The following PTPDC1 variants were observed in gnomAD, a reference collection of about 807,000 sequenced individuals.
PTPDC1 encodes the protein protein tyrosine phosphatase domain containing 1.
PTPDC1 carries 53 observed loss-of-function variants against 75.3 expected under a neutral mutation model. The observed-to-expected ratio is 0.70, with a 90% CI of 0.56 to 0.88. The LOEUF (loss-of-function observed/expected upper bound fraction) is 0.88. Ranked by LOEUF, PTPDC1 falls within the 40% of genes least tolerant of loss-of-function variation. PTPDC1 has a pLI of 0.00. For missense variants in PTPDC1, 925 were observed against 998.6 expected (o/e 0.93, Z 0.99); for synonymous variants, 349 against 366.2 (o/e 0.95, Z 0.54).
intron 1 of PTPDC1, among the ~76,000 whole-genome samples, chr9:94,035,937 T>C (rs559412254): frequency 1.6e-4 from 24 of 152,258 alleles, no homozygotes; most frequent in African/African-American, 5.3e-4. Flanking sequence ...TGTTGAGCAC[T>C]TTTTCATGTA....
At chr9:94,047,850 C>T (rs1440046595) in intron 1 of PTPDC1, among the ~76,000 whole-genome samples, 4 of 152,160 alleles carry the variant, frequency 2.6e-5, no homozygotes, top group Non-Finnish European at 1.5e-5. Context: ...CACATACATC[C>T]TCCCAAGACT....
Position 94,034,543 on chromosome 9 carries a change from A to G in PTPDC1, c.-7+3416A>G, listed in dbSNP as rs1825203791. On this transcript the variant is annotated intron_variant, in intron 1 of 9. Transcript: ENST00000375360. ...TGAGACTCTGTCTCAGAAAAAACCAAACAAACAGAAAAGAAAACAGAGATT... is the reference window on the plus strand; with the variant it reads ...TGAGACTCTGTCTCAGAAAAAACCAGACAAACAGAAAAGAAAACAGAGATT... 2.6e-5 allele frequency among the ~76,000 whole-genome samples: 4 copies of G among 152,194 alleles called. No individual in the cohort carries two copies. The South Asian group carries it at 8.3e-4, about 32-fold the overall frequency.
chr9:94,077,069 T>G (rs534310884), intron 2 of PTPDC1, among the ~76,000 whole-genome samples: 2 of 152,314 alleles, frequency 1.3e-5, no homozygotes, highest in East Asian at 3.9e-4. Context: ...TTTAAAGTAG[T>G]CATTGGTTTT....
Position 94,097,465 on chromosome 9 carries a change from C to G in PTPDC1, c.899C>G (p.Pro300Arg). Residue 300 changes from proline (P) to arginine (R), a missense_variant, in exon 6 of 9, where the codon CCT (proline) becomes CGT (arginine). By Grantham distance (103) the Pro-to-Arg change is moderately radical (BLOSUM62 -2). Coordinates refer to ENST00000620992, the MANE Select transcript of PTPDC1 (RefSeq NM_001253829.2). ...AGGGAATTTACTCAGTTTCTAACTC[C>G]TCTCCGCAATATATTCTCTTGCTGT... is the stretch of plus-strand genomic sequence containing the variant. ...CVREFTQFLT[P>R]LRNIFSCCDP... 6.2e-7 allele frequency: 1 copy of G among 1,614,210 alleles called. No individual in the cohort carries two copies. The highest frequency in any genetic ancestry group is 8.5e-7 in the Non-Finnish European group (1 of 1,180,038).
At chr9:94,069,559 T>C (rs1043897920) in intron 2 of PTPDC1, among the ~76,000 whole-genome samples, 2 of 150,848 alleles carry the variant, frequency 1.3e-5, no homozygotes, top group Non-Finnish European at 3.0e-5. Flanking sequence ...CTCGCTCTGT[T>C]TCCCAGGCTG....
At chr9:94,088,945 C>T (rs1236689008) in intron 4 of PTPDC1, among the ~76,000 whole-genome samples, 1 of 152,038 alleles carries the variant, frequency 6.6e-6, no homozygotes, top group Admixed American at 6.6e-5. Context: ...GCTTTCTCTC[C>T]AAAGCTGAGT....
Position 94,085,343 on chromosome 9 carries a change from G to A in PTPDC1, c.337G>A (p.Gly113Ser), listed in dbSNP as rs1351401211. ...ACACATGGCATGTTCCATGGCGTGT[G>A]GCGGTAGAGCTTGCAAGTATGAGAA... ...PGHMACSMAC[G>S]GRACKYENPA... Residue 113 changes from glycine (G) to serine (S), a missense_variant, in exon 2 of 9, where the codon GGC becomes AGC. Gly to Ser is a moderately conservative substitution (Grantham distance 56, BLOSUM62 0). Transcript: ENST00000620992. The A allele has an allele frequency of 6.2e-7, 1 of 1,614,222 alleles. No individual in the cohort carries two copies.
chr9:94,035,692 C>T (rs907077079), intron 1 of PTPDC1, among the ~76,000 whole-genome samples: 2 of 152,154 alleles, frequency 1.3e-5, no homozygotes, highest in Non-Finnish European at 2.9e-5. Flanking sequence ...GGTAAATACC[C>T]AGAAGTGGGA....
chr9:94,050,551 G>A (rs570709430), intron 1 of PTPDC1, among the ~76,000 whole-genome samples: 1 of 152,332 alleles, frequency 6.6e-6, no homozygotes, highest in East Asian at 1.9e-4. Context: ...AGCAAATGTT[G>A]CTGCCTGATT....
At position 94,046,828 on chromosome 9, in the gene PTPDC1, A is replaced by C. The variant is rs867938658; in HGVS notation, c.-7+15701A>C. Among the ~76,000 whole-genome samples the C allele has an allele frequency of 1.3e-4, 20 of 152,218 alleles. 1 individual carries two copies. Among genetic ancestry groups the C allele is most frequent in the South Asian group, 1.2e-3 (6 of 4,818 alleles). On this transcript the variant is annotated intron_variant, in intron 1 of 9. Coordinates refer to the PTPDC1 transcript ENST00000375360. ...TGACTTCCTCTTTTCCTAATTGAAT[A>C]CCCTTTATTTCCTTCTCCTGCCTGA...
chr9:94,033,449 A>G lies in PTPDC1; in HGVS notation c.-7+2322A>G, dbSNP rs114579091. Among the ~76,000 whole-genome samples the G allele has an allele frequency of 2.9e-3, 449 of 152,314 alleles. 3 individuals carry two copies. Among genetic ancestry groups the G allele is most frequent in the African/African-American group, 0.01 (434 of 41,558 alleles). On this transcript the variant is annotated intron_variant, in intron 1 of 9. Transcript: ENST00000375360. Reference sequence around the variant, plus strand: ...TGTGGAGGCAACATGGGGTACAGGAAATAAAGTGTGTTTAAGGAAGAACCG... The same window carrying G: ...TGTGGAGGCAACATGGGGTACAGGAGATAAAGTGTGTTTAAGGAAGAACCG...
At position 94,034,075 on chromosome 9, in the gene PTPDC1, A is replaced by T. The variant is rs560827157; in HGVS notation, c.-7+2948A>T. 4.6e-5 allele frequency among the ~76,000 whole-genome samples: 7 copies of T among 152,376 alleles called. No individual in the cohort carries two copies. The East Asian group carries it at 1.3e-3, about 29-fold the overall frequency. On this transcript the variant is annotated intron_variant, in intron 1 of 9. Transcript: ENST00000375360. ...TAGTAAGCAAATAAAGTAATTACAG[A>T]TTTTGATAAATGCTTAAACAGTAAA... is the stretch of plus-strand genomic sequence containing the variant.
At chr9:94,092,473 T>C (rs1209456127) in intron 4 of PTPDC1, among the ~76,000 whole-genome samples, 3 of 145,218 alleles carry the variant, frequency 2.1e-5, no homozygotes, top group Non-Finnish European at 3.0e-5. Context: ...TTCTGTTCTT[T>C]TACATTTGCT....
chr9:94,107,793 T>G (rs1828073660), intron 8 of PTPDC1, 35 bp from the exon 9 acceptor site: 1 of 1,259,140 alleles, frequency 7.9e-7, no homozygotes, highest in South Asian at 1.4e-5. Flanking sequence ...AAATTCTTGT[T>G]ACAGTGTCCT....
intron 1 of PTPDC1, among the ~76,000 whole-genome samples, chr9:94,037,866 T>C (rs1825318615): frequency 6.6e-6 from 1 of 152,202 alleles, no homozygotes; most frequent in African/African-American, 2.4e-5. Flanking sequence ...GCAGAGCTTT[T>C]CAGCTAACTC....
intron 1 of PTPDC1, among the ~76,000 whole-genome samples, chr9:94,050,631 G>T (rs535810556): frequency 6.6e-6 from 1 of 152,214 alleles, no homozygotes; most frequent in Non-Finnish European, 1.5e-5. Flanking sequence ...CTACTGGGGG[G>T]TGCCTCCCAG....
At chr9:94,073,466 G>A (rs1249506929) in intron 2 of PTPDC1, among the ~76,000 whole-genome samples, 1 of 151,982 alleles carries the variant, frequency 6.6e-6, no homozygotes. Flanking sequence ...TTCCTGATAT[G>A]GGTGATTTGT....
intron 1 of PTPDC1, among the ~76,000 whole-genome samples, chr9:94,046,059 A>G (rs1825590151): frequency 6.6e-6 from 1 of 152,214 alleles, no homozygotes; most frequent in Non-Finnish European, 1.5e-5. Flanking sequence ...AGCTTTCTAC[A>G]TATGGCTAGC....
intron 4 of PTPDC1, among the ~76,000 whole-genome samples, chr9:94,094,365 T>TGGGG (rs58316658): frequency 0.65 from 96,206 of 148,588 alleles, 33,319 homozygotes; most frequent in African/African-American, 0.9. Context: ...GTGCCCCTGC[T>TGGGG]GGTGCCTCCC....
Sources: gnomAD v4.1 joint callset for allele counts (sites outside exome capture counted in the v4.1 genomes callset) on GRCh38, gnomAD v4.1.1 for gene constraint, MANE v1.5 for transcripts, NCBI Gene and HGNC (gene_info 2026-07-23, HGNC 2026-07-21) for gene names.